Variants in LUZP2 observed in about 807,000 individuals in gnomAD.
LUZP2 encodes leucine zipper protein 2.
LUZP2 carries 52 observed loss-of-function variants against 51.6 expected under a neutral mutation model. That is an observed-to-expected ratio of 1.01 (90% confidence interval 0.81 to 1.27). The LOEUF (loss-of-function observed/expected upper bound fraction) is 1.27. Among genes scored for constraint, LUZP2 ranks in the 50% most tolerant of loss-of-function variants. The pLI is 0.00. For synonymous variants in LUZP2, 154 were observed against 137.3 expected (o/e 1.12, Z -0.85); for missense variants, 436 against 395.4 (o/e 1.10, Z -0.87).
chr11:24,646,762 C>T (rs6484063), intron 1 of LUZP2: 133,611 of 200,460 alleles, frequency 0.67, 45,210 homozygotes, highest in East Asian at 0.94. Context: ...GCAAATATTT[C>T]GCTGGATAAC....
At chr11:24,882,125 C>T (rs1441694238) in intron 5 of LUZP2, among the ~76,000 whole-genome samples, 1 of 151,802 alleles carries the variant, frequency 6.6e-6, no homozygotes, top group Admixed American at 6.6e-5. Context: ...TTTATTAATA[C>T]CACCTCTGTA....
chr11:24,849,924 T>A (rs1851334969), intron 5 of LUZP2, among the ~76,000 whole-genome samples: 1 of 152,216 alleles, frequency 6.6e-6, no homozygotes, highest in Non-Finnish European at 1.5e-5. Context: ...ATAAGTGTCT[T>A]CTTTTGAAAA....
chr11:24,543,240 C>T (rs571209729), intron 1 of LUZP2, among the ~76,000 whole-genome samples: 11 of 149,856 alleles, frequency 7.3e-5, no homozygotes, highest in East Asian at 5.8e-4. Context: ...AATACATCTG[C>T]GAAAGGTATA....
chr11:24,580,059 T>A (rs1248983482), intron 1 of LUZP2, among the ~76,000 whole-genome samples: 1 of 152,110 alleles, frequency 6.6e-6, no homozygotes, highest in African/African-American at 2.4e-5. Context: ...ATCCAGGTTT[T>A]TTTATGATTC....
At chr11:24,825,844 A>T (rs1850508307) in intron 5 of LUZP2, among the ~76,000 whole-genome samples, 1 of 152,006 alleles carries the variant, frequency 6.6e-6, no homozygotes, top group Admixed American at 6.6e-5. Context: ...TATTGATTAG[A>T]AAAATAGTTT....
chr11:24,587,474 C>A (rs1347179394), intron 1 of LUZP2, among the ~76,000 whole-genome samples: 1 of 152,062 alleles, frequency 6.6e-6, no homozygotes, highest in Non-Finnish European at 1.5e-5. Flanking sequence ...AAATTTTCTT[C>A]TTAGCTTTCT....
At chr11:24,834,742 C>T (rs1392908807) in intron 5 of LUZP2, among the ~76,000 whole-genome samples, 1 of 152,136 alleles carries the variant, frequency 6.6e-6, no homozygotes, top group Non-Finnish European at 1.5e-5. Context: ...TTCTCTACAG[C>T]CTTGCCAGCA....
At chr11:24,625,117 T>C (rs73434907) in intron 1 of LUZP2, among the ~76,000 whole-genome samples, 2,889 of 151,932 alleles carry the variant, frequency 0.019, 100 homozygotes, top group African/African-American at 0.067. Context: ...ACCTCACTTA[T>C]ACATGAAAAT....
chr11:24,679,579 T>A (rs1590338282), intron 1 of LUZP2, among the ~76,000 whole-genome samples: 1 of 152,176 alleles, frequency 6.6e-6, no homozygotes, highest in Admixed American at 6.5e-5. Flanking sequence ...TTAACTATTT[T>A]AAAAATCCTT....
intron 10 of LUZP2, among the ~76,000 whole-genome samples, chr11:25,072,462 G>A (rs763597871): frequency 6.6e-6 from 1 of 151,988 alleles, no homozygotes; most frequent in African/African-American, 2.4e-5. Flanking sequence ...GCAATTTAAG[G>A]ATAACAAAGG....
intron 1 of LUZP2, among the ~76,000 whole-genome samples, chr11:24,502,096 G>A: frequency 7.1e-6 from 1 of 141,160 alleles, no homozygotes; most frequent in Non-Finnish European, 1.5e-5. Context: ...AGGACTGAAT[G>A]AGTTCATCCG....
chr11:24,858,201 T>C (rs1468510182), intron 5 of LUZP2, among the ~76,000 whole-genome samples: 1 of 152,172 alleles, frequency 6.6e-6, no homozygotes. Flanking sequence ...AGCATACTTT[T>C]AACAGCTTTT....
At chr11:25,017,117 G>A (rs995721464) in intron 9 of LUZP2, among the ~76,000 whole-genome samples, 9 of 152,016 alleles carry the variant, frequency 5.9e-5, no homozygotes, top group Non-Finnish European at 1.2e-4. Flanking sequence ...TTTTCAATGG[G>A]ATTATTTGTT....
chr11:24,918,312 T>C (rs546797698), intron 7 of LUZP2, among the ~76,000 whole-genome samples: 3 of 152,198 alleles, frequency 2.0e-5, no homozygotes, highest in Non-Finnish European at 2.9e-5. Flanking sequence ...CTTTTCCTAA[T>C]TGAATACCCT....
intron 7 of LUZP2, among the ~76,000 whole-genome samples, chr11:24,961,557 C>G (rs1161518519): frequency 6.6e-6 from 1 of 151,964 alleles, no homozygotes; most frequent in East Asian, 1.9e-4. Context: ...TTATCAGAGA[C>G]TAGGATTGCA....
At chr11:24,715,445 T>A (rs150837420) in intron 1 of LUZP2, among the ~76,000 whole-genome samples, 251 of 152,284 alleles carry the variant, frequency 1.6e-3, no homozygotes, top group Non-Finnish European at 2.4e-3. Context: ...TTCTCCAGAT[T>A]CTACCTTACT....
At chr11:24,968,102 C>A (rs1267792952) in intron 7 of LUZP2, among the ~76,000 whole-genome samples, 1 of 152,062 alleles carries the variant, frequency 6.6e-6, no homozygotes, top group African/African-American at 2.4e-5. Flanking sequence ...AGTACCCAAG[C>A]TCCTCTTATT....
rs1304667841 is a variant in LUZP2 at position 24,638,888 on chromosome 11, T to C, written c.63-90281T>C. Among the ~76,000 whole-genome samples the C allele has an allele frequency of 3.3e-5, 5 of 151,704 alleles. No homozygotes were observed. In the South Asian group the frequency reaches 8.3e-4, roughly 25 times the overall value. Reference sequence around the variant, plus strand: ...TTAACAAAGAAAAGACAATTAATTCTAATACATTTATGAAAGATAATTTTC... The same window carrying C: ...TTAACAAAGAAAAGACAATTAATTCCAATACATTTATGAAAGATAATTTTC... On this transcript the variant is annotated intron_variant, in intron 1 of 11. Coordinates refer to ENST00000336930, the MANE Select transcript of LUZP2 (RefSeq NM_001009909.4).
At chr11:24,978,165 G>A (rs1855932555) in intron 8 of LUZP2, among the ~76,000 whole-genome samples, 2 of 151,558 alleles carry the variant, frequency 1.3e-5, no homozygotes, top group Non-Finnish European at 3.0e-5. Context: ...ATTAGATCAA[G>A]TATAATTTGT....
Sources: allele counts gnomAD v4.1 joint callset (sites outside exome capture counted in the v4.1 genomes callset), GRCh38; gene constraint gnomAD v4.1.1; transcripts MANE v1.5; gene names NCBI Gene and HGNC (gene_info 2026-07-23, HGNC 2026-07-21).